Variants in KCNIP1 observed in about 807,000 individuals in gnomAD.
KCNIP1 encodes the protein potassium voltage-gated channel interacting protein 1.
Under a neutral mutation model 33.0 loss-of-function variants are expected in KCNIP1, and 18 were observed. The ratio of observed to expected loss-of-function variants is 0.55; its 90% CI spans 0.38 to 0.81. The LOEUF (loss-of-function observed/expected upper bound fraction) is 0.81, where lower values mean the gene tolerates loss of function less well. Ranked by LOEUF, KCNIP1 falls within the 30% of genes least tolerant of loss-of-function variation. The probability of loss-of-function intolerance (pLI) is 0.00; values close to 1 mark genes in which losing one functional copy is unlikely to be tolerated. For missense variants in KCNIP1, 238 were observed against 271.6 expected (o/e 0.88, Z 0.87); for synonymous variants, 93 against 98.3 (o/e 0.95, Z 0.32).
At chr5:170,490,865 G>A (rs1235620472) in intron 1 of KCNIP1, among the ~76,000 whole-genome samples, 1 of 152,128 alleles carries the variant, frequency 6.6e-6, no homozygotes, top group Non-Finnish European at 1.5e-5. Context: ...GAGGCTGTAG[G>A]CCTTGCTGTT....
Position 170,483,557 on chromosome 5 carries a change from C to T in KCNIP1, c.88+129593C>T, listed in dbSNP as rs949193474. 3.9e-5 allele frequency among the ~76,000 whole-genome samples: 6 copies of T among 152,126 alleles called. No individual in the cohort carries two copies. In the East Asian group the frequency reaches 7.7e-4, roughly 20 times the overall value. On this transcript the variant is annotated intron_variant, in intron 1 of 7. Coordinates refer to the KCNIP1 transcript ENST00000377360. ...ATGTCAATGGTGATCTGTGTGGGGCCGCAAGGTTCCAGATGGTTGGGACAA... is the reference window on the plus strand; with the variant it reads ...ATGTCAATGGTGATCTGTGTGGGGCTGCAAGGTTCCAGATGGTTGGGACAA...
intron 1 of KCNIP1, among the ~76,000 whole-genome samples, chr5:170,438,722 C>T (rs1333711471): frequency 6.6e-6 from 1 of 152,146 alleles, no homozygotes; most frequent in African/African-American, 2.4e-5. Flanking sequence ...CAAGCCATTG[C>T]ACAGCCTGCT....
rs528359080 is a variant in KCNIP1 at position 170,362,569 on chromosome 5, G to A, written c.88+8605G>A. On this transcript the variant is annotated intron_variant, in intron 1 of 7. Transcript: ENST00000377360. The stretch of plus-strand genomic sequence containing the variant: ...AACAAAACATATGGGGAGCAGGCCC[G>A]ACAGCCAAGACTACAGGGAGGGGAG... 7.6e-4 allele frequency among the ~76,000 whole-genome samples: 115 copies of A among 152,230 alleles called. 1 individual carries two copies. The highest frequency in any genetic ancestry group is 5.3e-3 in the Admixed American group (81 of 15,286).
At chr5:170,725,376 G>C (rs1041819416) in intron 5 of KCNIP1, among the ~76,000 whole-genome samples, 3 of 152,122 alleles carry the variant, frequency 2.0e-5, no homozygotes, top group Non-Finnish European at 2.9e-5. Context: ...TCTACAACGT[G>C]GATGGAATTG....
chr5:170,607,291 G>A (rs139374899), intron 1 of KCNIP1, among the ~76,000 whole-genome samples: 4 of 152,282 alleles, frequency 2.6e-5, no homozygotes, highest in South Asian at 2.1e-4. Context: ...TTCCCGTTTC[G>A]TAGAGTAGTG....
chr5:170,653,359 G>C (rs575812506), intron 1 of KCNIP1, among the ~76,000 whole-genome samples: 1 of 152,238 alleles, frequency 6.6e-6, no homozygotes, highest in East Asian at 1.9e-4. Flanking sequence ...GTGGTATCAC[G>C]AACATATCTT....
At chr5:170,641,247 G>T (rs1760540044) in intron 1 of KCNIP1, among the ~76,000 whole-genome samples, 1 of 152,158 alleles carries the variant, frequency 6.6e-6, no homozygotes, top group Non-Finnish European at 1.5e-5. Context: ...CCCCACCTCT[G>T]TGCCTCATCA....
At chr5:170,458,273 TC>T (rs1756433427) in intron 1 of KCNIP1, among the ~76,000 whole-genome samples, 1 of 152,112 alleles carries the variant, frequency 6.6e-6, no homozygotes, top group African/African-American at 2.4e-5. Context: ...GAAAACATAT[TC>T]GGGGGAATAA....
chr5:170,581,270 A>T (rs75348302), intron 1 of KCNIP1, among the ~76,000 whole-genome samples: 9,148 of 152,284 alleles, frequency 0.06, 311 homozygotes, highest in South Asian at 0.095. Flanking sequence ...TAACTTTCCA[A>T]GGTCACAGAG....
chr5:170,675,835 G>A (rs1762111711), intron 1 of KCNIP1, among the ~76,000 whole-genome samples: 1 of 152,106 alleles, frequency 6.6e-6, no homozygotes, highest in East Asian at 1.9e-4. Context: ...ATTATGGAGA[G>A]TGGCATAGTA....
At chr5:170,360,590 C>G (rs1763482058) in intron 1 of KCNIP1, among the ~76,000 whole-genome samples, 1 of 152,234 alleles carries the variant, frequency 6.6e-6, no homozygotes, top group Non-Finnish European at 1.5e-5. Flanking sequence ...GTCAAGTCCT[C>G]TTCCCAGCTC....
At chr5:170,548,699 C>T (rs1027543310) in intron 1 of KCNIP1, among the ~76,000 whole-genome samples, 3 of 152,172 alleles carry the variant, frequency 2.0e-5, no homozygotes, top group African/African-American at 7.2e-5. Flanking sequence ...AGGTCTAGCT[C>T]TTTGAGGTTC....
intron 1 of KCNIP1, among the ~76,000 whole-genome samples, chr5:170,372,424 G>A (rs186334690): frequency 6.6e-6 from 1 of 152,140 alleles, no homozygotes; most frequent in African/African-American, 2.4e-5. Flanking sequence ...TAAACCACTG[G>A]CCATTGGTGA....
chr5:170,375,407 G>A (rs1763962478), intron 1 of KCNIP1: 1 of 152,292 alleles, frequency 6.6e-6, no homozygotes, highest in Non-Finnish European at 1.5e-5. Context: ...CTCCCTGGCT[G>A]GAATTGGCAG....
At chr5:170,552,614 G>C (rs1314309490) in intron 1 of KCNIP1, among the ~76,000 whole-genome samples, 1 of 152,198 alleles carries the variant, frequency 6.6e-6, no homozygotes, top group Non-Finnish European at 1.5e-5. Context: ...GGGAGTGAGG[G>C]TGGTTGTGGT....
intron 1 of KCNIP1, among the ~76,000 whole-genome samples, chr5:170,577,577 TTTTCA>T (rs1272563709): frequency 6.6e-6 from 1 of 152,210 alleles, no homozygotes; most frequent in African/African-American, 2.4e-5. Flanking sequence ...GGCAATAATG[TTTTCA>T]TTTGATTAAA....
intron 1 of KCNIP1, among the ~76,000 whole-genome samples, chr5:170,605,688 T>C (rs1268600230): frequency 6.6e-6 from 1 of 152,172 alleles, no homozygotes; most frequent in East Asian, 1.9e-4. Flanking sequence ...ATATGTGGCC[T>C]TTTGTGCCTG....
intron 1 of KCNIP1, among the ~76,000 whole-genome samples, chr5:170,581,599 C>T (rs534796142): frequency 2.0e-5 from 3 of 152,316 alleles, no homozygotes; most frequent in East Asian, 3.9e-4. Flanking sequence ...CAGCCTTGAG[C>T]TAATCCATCT....
intron 1 of KCNIP1, among the ~76,000 whole-genome samples, chr5:170,632,584 CT>C (rs1410514634): frequency 2.6e-5 from 4 of 152,248 alleles, no homozygotes; most frequent in African/African-American, 9.6e-5. Context: ...TTTGCACATT[CT>C]TACCGCCAGG....
Sources: allele counts gnomAD v4.1 joint callset (sites outside exome capture counted in the v4.1 genomes callset), GRCh38; gene constraint gnomAD v4.1.1; transcripts MANE v1.5; gene names NCBI Gene and HGNC (gene_info 2026-07-23, HGNC 2026-07-21).